GRAMD1B: variants seen among roughly 807,000 people sequenced by gnomAD.
GRAMD1B encodes GRAM domain containing 1B.
A neutral mutation model predicts 99.7 loss-of-function variants in GRAMD1B; 37 were observed. The observed-to-expected ratio is 0.37, with a 90% CI of 0.29 to 0.49. The LOEUF is 0.49. Among genes scored for constraint, GRAMD1B ranks in the 20% least tolerant of loss-of-function variants. The pLI is 0.98. For missense variants in GRAMD1B, 888 were observed against 1,009.2 expected (o/e 0.88, Z 1.63); for synonymous variants, 427 against 387.6 (o/e 1.10, Z -1.19).
At chr11:123,576,268 G>A (rs994952422) in intron 2 of GRAMD1B, among the ~76,000 whole-genome samples, 2 of 152,244 alleles carry the variant, frequency 1.3e-5, no homozygotes, top group East Asian at 3.8e-4. Flanking sequence ...GCCTGCAGGG[G>A]GGTCCAGGGT....
At chr11:123,452,344 T>C (rs765812691) in intron 1 of GRAMD1B, among the ~76,000 whole-genome samples, 1 of 152,172 alleles carries the variant, frequency 6.6e-6, no homozygotes, top group Non-Finnish European at 1.5e-5. Flanking sequence ...GGACATTTTT[T>C]CTGGTAGAAG....
intron 1 of GRAMD1B, among the ~76,000 whole-genome samples, chr11:123,367,825 G>A (rs571171830): frequency 6.6e-6 from 1 of 152,230 alleles, no homozygotes; most frequent in African/African-American, 2.4e-5. Flanking sequence ...GAAGGGGGTT[G>A]CTGAGTGGTC....
At chr11:123,483,272 CAAAGGGATGAT>C (rs1419388880) in intron 2 of GRAMD1B, among the ~76,000 whole-genome samples, 13 of 152,142 alleles carry the variant, frequency 8.5e-5, no homozygotes, top group Admixed American at 7.9e-4. Context: ...ATATGCTGAA[CAAAGGGATGAT>C]TCACGTTCCA....
intron 3 of GRAMD1B, among the ~76,000 whole-genome samples, chr11:123,579,778 A>G (rs1949137333): frequency 6.6e-6 from 1 of 152,130 alleles, no homozygotes. Flanking sequence ...GATGTTCTGT[A>G]AGCTCCGAGG....
chr11:123,542,478 A>G (rs1944631328), intron 2 of GRAMD1B, among the ~76,000 whole-genome samples: 1 of 152,184 alleles, frequency 6.6e-6, no homozygotes, highest in Non-Finnish European at 1.5e-5. Flanking sequence ...TGTACTGGAG[A>G]ATTCCACGGG....
At chr11:123,488,936 G>A (rs1938203557) in intron 2 of GRAMD1B, among the ~76,000 whole-genome samples, 1 of 152,088 alleles carries the variant, frequency 6.6e-6, no homozygotes, top group Non-Finnish European at 1.5e-5. Flanking sequence ...AGTTAGGGGG[G>A]GGCGGTCCTT....
intron 1 of GRAMD1B, chr11:123,435,414 T>TA (rs1442128695): frequency 1.4e-6 from 1 of 701,804 alleles, no homozygotes; most frequent in East Asian, 2.7e-5. Flanking sequence ...TTTGTTTTTT[T>TA]ACTTGTCACT....
intron 2 of GRAMD1B, among the ~76,000 whole-genome samples, chr11:123,517,635 A>G (rs1453988059): frequency 1.4e-5 from 2 of 147,824 alleles, no homozygotes; most frequent in South Asian, 2.1e-4. Context: ...CTAAACCACA[A>G]TACACACCAC....
chr11:123,500,505 T>C (rs1751509717), intron 2 of GRAMD1B, among the ~76,000 whole-genome samples: 1 of 152,096 alleles, frequency 6.6e-6, no homozygotes, highest in Non-Finnish European at 1.5e-5. Flanking sequence ...TTAATTGGAG[T>C]CTTTTTAAAT....
intron 2 of GRAMD1B, among the ~76,000 whole-genome samples, chr11:123,548,317 T>TACACAC (rs1298307128): frequency 7.8e-4 from 76 of 96,864 alleles, no homozygotes; most frequent in East Asian, 7.2e-3. Flanking sequence ...TATATATATA[T>TACACAC]ATATATATAC....
Position 123,496,595 on chromosome 11 carries a change from T to C in GRAMD1B, c.452+15702T>C, listed in dbSNP as rs573624107. ...GCCAATAACTCTTAGATTTACCCTT[T>C]TGAGGCTGTTTTCTAGATCTCGTAG... On this transcript the variant is annotated intron_variant, in intron 2 of 19. Transcript: ENST00000635736. Among the ~76,000 whole-genome samples, 38 of 151,838 alleles carry C rather than the reference T, an allele frequency of 2.5e-4. 3 individuals are homozygous for C. The highest frequency in any genetic ancestry group is 3.4e-3 in the Middle Eastern group (1 of 292).
At chr11:123,552,048 A>G (rs913586457) in intron 2 of GRAMD1B, among the ~76,000 whole-genome samples, 2 of 152,034 alleles carry the variant, frequency 1.3e-5, no homozygotes, top group African/African-American at 4.8e-5. Flanking sequence ...TTCCTTGCCC[A>G]GTCCTTTCCA....
chr11:123,540,674 G>A (rs980336259), intron 2 of GRAMD1B, among the ~76,000 whole-genome samples: 1 of 151,946 alleles, frequency 6.6e-6, no homozygotes, highest in Non-Finnish European at 1.5e-5. Flanking sequence ...AAAAGAAAAC[G>A]AAATTGGTCA....
intron 19 of GRAMD1B, among the ~76,000 whole-genome samples, chr11:123,620,624 C>A (rs1955010922): frequency 6.6e-6 from 1 of 152,076 alleles, no homozygotes; most frequent in African/African-American, 2.4e-5. Flanking sequence ...AGTTTAGAAG[C>A]CCTACCCTTT....
chr11:123,402,168 A>C (rs1947687468), intron 1 of GRAMD1B, among the ~76,000 whole-genome samples: 1 of 152,110 alleles, frequency 6.6e-6, no homozygotes, highest in African/African-American at 2.4e-5. Context: ...GGTGTGTGCC[A>C]CCACACCCAG....
At chr11:123,442,623 A>G (rs1949459717) in intron 1 of GRAMD1B, among the ~76,000 whole-genome samples, 1 of 152,176 alleles carries the variant, frequency 6.6e-6, no homozygotes, top group South Asian at 2.1e-4. Flanking sequence ...TACAAAAATT[A>G]GCCAAGTGTG....
chr11:123,554,033 A>T (rs1000252319), intron 2 of GRAMD1B, among the ~76,000 whole-genome samples: 5 of 151,700 alleles, frequency 3.3e-5, no homozygotes, highest in Admixed American at 2.6e-4. Flanking sequence ...ACCCTCTTTC[A>T]CTCTCAGGGC....
At chr11:123,395,116 G>A (rs918743951) in intron 1 of GRAMD1B, among the ~76,000 whole-genome samples, 2 of 152,132 alleles carry the variant, frequency 1.3e-5, no homozygotes, top group African/African-American at 4.8e-5. Context: ...GTATAGGACT[G>A]TATCATACTC....
intron 1 of GRAMD1B, among the ~76,000 whole-genome samples, chr11:123,464,955 C>T (rs576588212): frequency 5.9e-5 from 9 of 151,686 alleles, no homozygotes; most frequent in East Asian, 5.8e-4. Context: ...GTGTGGGAGG[C>T]GGGAAGGGGT....
Sources: gnomAD v4.1 joint callset for allele counts (sites outside exome capture counted in the v4.1 genomes callset) on GRCh38, gnomAD v4.1.1 for gene constraint, MANE v1.5 for transcripts, NCBI Gene and HGNC (gene_info 2026-07-23, HGNC 2026-07-21) for gene names.